The following SPATA13 variants were observed in gnomAD, a reference collection of about 807,000 sequenced individuals.
SPATA13 encodes the protein spermatogenesis-associated protein 13.
A neutral mutation model predicts 104.0 loss-of-function variants in SPATA13; 50 were observed. That is an observed-to-expected ratio of 0.48 (90% CI 0.38 to 0.61). The LOEUF is 0.61. Among genes scored for constraint, SPATA13 ranks in the 20% least tolerant of loss-of-function variants. SPATA13 has a pLI of 0.00. For synonymous variants in SPATA13, 606 were observed against 667.5 expected (o/e 0.91, Z 1.42); for missense variants, 1,524 against 1,690.6 (o/e 0.90, Z 1.73).
chr13:24,013,574 A>G (rs9580826), intron 2 of SPATA13, among the ~76,000 whole-genome samples: 5,829 of 152,264 alleles, frequency 0.038, 352 homozygotes, highest in African/African-American at 0.13. Flanking sequence ...GACCTTGTGA[A>G]TTCTTCCAAG....
At chr13:24,268,387 T>C (rs1176876458) in intron 4 of SPATA13, among the ~76,000 whole-genome samples, 2 of 152,224 alleles carry the variant, frequency 1.3e-5, no homozygotes, top group Admixed American at 6.5e-5. Flanking sequence ...CTACCACCTT[T>C]ATTGAGAATA....
intron 3 of SPATA13, among the ~76,000 whole-genome samples, chr13:24,112,553 T>C (rs544670813): frequency 1.5e-4 from 23 of 150,020 alleles, no homozygotes; most frequent in Non-Finnish European, 3.3e-4. Context: ...GTGCCAGGCA[T>C]ACACACACAC....
At chr13:24,061,901 GA>G (rs371972167) in intron 3 of SPATA13, among the ~76,000 whole-genome samples, 1 of 149,260 alleles carries the variant, frequency 6.7e-6, no homozygotes, top group Non-Finnish European at 1.5e-5. Context: ...AAAAAAAAAA[GA>G]AAAAAACTGA....
intron 1 of SPATA13, among the ~76,000 whole-genome samples, chr13:24,208,715 C>G (rs1250174888): frequency 5.9e-5 from 9 of 151,836 alleles, no homozygotes; most frequent in Non-Finnish European, 7.4e-5. Context: ...AAATCCCTGA[C>G]AGTTCCATTT....
At chr13:24,292,151 A>G (rs1876435621) in intron 9 of SPATA13, among the ~76,000 whole-genome samples, 1 of 152,120 alleles carries the variant, frequency 6.6e-6, no homozygotes, top group African/African-American at 2.4e-5. Flanking sequence ...GCCAAAAGTT[A>G]CCCTTTGTTT....
At chr13:24,254,988 C>T (rs1180467557) in intron 4 of SPATA13, among the ~76,000 whole-genome samples, 1 of 152,268 alleles carries the variant, frequency 6.6e-6, no homozygotes, top group Non-Finnish European at 1.5e-5. Flanking sequence ...TGCGGGTATT[C>T]TGAGGTAGCC....
intron 3 of SPATA13, among the ~76,000 whole-genome samples, chr13:24,095,143 C>T (rs947993779): frequency 5.3e-5 from 8 of 152,138 alleles, no homozygotes; most frequent in African/African-American, 1.2e-4. Context: ...AGCCAAGAGG[C>T]GGAAACAACC....
At chr13:24,213,612 T>G (rs1871141190) in intron 1 of SPATA13, among the ~76,000 whole-genome samples, 1 of 152,204 alleles carries the variant, frequency 6.6e-6, no homozygotes, top group South Asian at 2.1e-4. Flanking sequence ...CTCCCTGTCC[T>G]TTTTCTCATT....
At chr13:23,980,394 T>C (rs1416215649) in intron 1 of SPATA13, among the ~76,000 whole-genome samples, 2 of 152,172 alleles carry the variant, frequency 1.3e-5, no homozygotes, top group East Asian at 3.8e-4. Context: ...TCAGCGTCAC[T>C]GCGTGAGCCC....
chr13:24,072,825 CTTT>C (rs11353469), intron 3 of SPATA13, among the ~76,000 whole-genome samples: 87 of 120,642 alleles, frequency 7.2e-4, no homozygotes, highest in Non-Finnish European at 7.9e-4. Flanking sequence ...CTGTTGGCTC[CTTT>C]TTTTTTTTTT....
chr13:24,188,112 G>A (rs566269871), intron 1 of SPATA13, among the ~76,000 whole-genome samples: 6 of 152,110 alleles, frequency 3.9e-5, no homozygotes, highest in African/African-American at 7.2e-5. Flanking sequence ...AGGCCAAGGC[G>A]GGCAGATTGC....
At chr13:23,983,394 T>G (rs1011719059) in intron 1 of SPATA13, among the ~76,000 whole-genome samples, 4 of 152,190 alleles carry the variant, frequency 2.6e-5, no homozygotes, top group African/African-American at 9.7e-5. Context: ...TATACCTCAA[T>G]TACCGCTATG....
intron 2 of SPATA13, among the ~76,000 whole-genome samples, chr13:24,014,596 G>GTGGTAA (rs1876626027): frequency 6.6e-6 from 1 of 152,214 alleles, no homozygotes; most frequent in Admixed American, 6.5e-5. Flanking sequence ...TTAAGTGCAA[G>GTGGTAA]TGGATCATCC....
chr13:24,280,446 T>C (rs1473568899), intron 4 of SPATA13, among the ~76,000 whole-genome samples: 1 of 151,790 alleles, frequency 6.6e-6, no homozygotes, highest in Non-Finnish European at 1.5e-5. Flanking sequence ...TTCAGAGCTG[T>C]GCTGTGGGTG....
At chr13:24,006,689 A>G (rs956444695) in intron 2 of SPATA13, among the ~76,000 whole-genome samples, 32 of 152,238 alleles carry the variant, frequency 2.1e-4, no homozygotes, top group East Asian at 5.8e-4. Flanking sequence ...CCATTTTAAG[A>G]GCTGGGGAGC....
chr13:24,261,887 G>C (rs554224965), intron 4 of SPATA13, among the ~76,000 whole-genome samples: 3 of 152,308 alleles, frequency 2.0e-5, no homozygotes, highest in East Asian at 1.9e-4. Context: ...TGCTTAAGCT[G>C]TGTTGATGGT....
chr13:24,125,342 C>T (rs1449747598), intron 3 of SPATA13, among the ~76,000 whole-genome samples: 1 of 152,124 alleles, frequency 6.6e-6, no homozygotes, highest in Non-Finnish European at 1.5e-5. Context: ...TGAGACTCAC[C>T]TTATTGTCTT....
chr13:24,126,040 T>C (rs536785846), intron 3 of SPATA13, among the ~76,000 whole-genome samples: 28 of 152,208 alleles, frequency 1.8e-4, no homozygotes, highest in South Asian at 6.2e-4. Context: ...CCAGGAGCCC[T>C]GTATCAAACA....
chr13:24,007,536 G>A (rs535484394), intron 2 of SPATA13, among the ~76,000 whole-genome samples: 6 of 152,286 alleles, frequency 3.9e-5, no homozygotes, highest in East Asian at 1.9e-4. Context: ...GGCCCACTGC[G>A]ACCTCTGCTT....
Sources: gnomAD v4.1 joint callset for allele counts (sites outside exome capture counted in the v4.1 genomes callset) on GRCh38, gnomAD v4.1.1 for gene constraint, MANE v1.5 for transcripts, NCBI Gene and HGNC (gene_info 2026-07-23, HGNC 2026-07-21) for gene names.